Variants in INPP4B observed in about 807,000 individuals in gnomAD.
INPP4B encodes inositol polyphosphate-4-phosphatase type II B.
Under a neutral mutation model 122.5 loss-of-function variants are expected in INPP4B, and 55 were observed. The ratio of observed to expected loss-of-function variants is 0.45; its 90% CI spans 0.36 to 0.56. INPP4B has a LOEUF of 0.56. INPP4B is among the 20% of genes least tolerant of loss of function. The probability of loss-of-function intolerance (pLI) is 0.00; values close to 1 mark genes in which losing one functional copy is unlikely to be tolerated. For synonymous variants in INPP4B, 403 were observed against 388.7 expected, an observed-to-expected ratio of 1.04 and a Z score of -0.43; for missense variants, 1,000 against 1,097.7, an observed-to-expected ratio of 0.91 and a Z score of 1.26.
chr4:142,113,081 A>G (rs1414852994), intron 21 of INPP4B, among the ~76,000 whole-genome samples: 1 of 152,094 alleles, frequency 6.6e-6, no homozygotes, highest in Non-Finnish European at 1.5e-5. Context: ...CAAATAATTT[A>G]TATGATTTTT....
chr4:142,513,444 G>C (rs1217722296), intron 2 of INPP4B, among the ~76,000 whole-genome samples: 1 of 151,414 alleles, frequency 6.6e-6, no homozygotes, highest in Non-Finnish European at 1.5e-5. Context: ...TCTCCCTCTT[G>C]TCCCCCAGGC....
At chr4:142,519,611 C>A (rs940669833) in intron 2 of INPP4B, among the ~76,000 whole-genome samples, 13 of 152,080 alleles carry the variant, frequency 8.5e-5, no homozygotes, top group Admixed American at 6.6e-4. Context: ...CCTTCAGCAG[C>A]AGAAAATTTT....
chr4:142,032,905 A>C lies in INPP4B; in HGVS notation c.2643-3991T>G, dbSNP rs954121850. 1.4e-4 allele frequency among the ~76,000 whole-genome samples: 21 copies of C among 152,026 alleles called. 1 individual carries two copies. The Middle Eastern group carries it at 0.01, about 74-fold the overall frequency. ...AGGTACATCTTGGTAGTGTACCCAG[A>C]AACTTTTTAATTAGTATGTTCCCTC... On this transcript the variant is annotated intron_variant, in intron 25 of 25. Coordinates refer to ENST00000262992, the MANE Select transcript of INPP4B (RefSeq NM_001101669.3).
intron 15 of INPP4B, among the ~76,000 whole-genome samples, chr4:142,176,248 A>T (rs1461800085): frequency 6.6e-6 from 1 of 151,356 alleles, no homozygotes; most frequent in African/African-American, 2.4e-5. Flanking sequence ...TTAAGTCATC[A>T]TTTACATTAG....
intron 25 of INPP4B, among the ~76,000 whole-genome samples, chr4:142,057,010 G>A (rs1298658198): frequency 6.6e-6 from 1 of 152,090 alleles, no homozygotes; most frequent in Non-Finnish European, 1.5e-5. Context: ...ACCACACATG[G>A]TTGAGAGGTC....
chr4:142,424,231 A>C (rs913805656), intron 5 of INPP4B, among the ~76,000 whole-genome samples: 16 of 151,982 alleles, frequency 1.1e-4, no homozygotes, highest in African/African-American at 3.9e-4. Flanking sequence ...CCTAGGAAAT[A>C]GGTTAGCTGT....
chr4:142,553,458 C>G (rs1728445294), intron 2 of INPP4B, among the ~76,000 whole-genome samples: 1 of 152,192 alleles, frequency 6.6e-6, no homozygotes, highest in African/African-American at 2.4e-5. Flanking sequence ...TTTCATATCC[C>G]CTTGGCTTTA....
intron 2 of INPP4B, among the ~76,000 whole-genome samples, chr4:142,658,067 T>A (rs371113719): frequency 1.3e-5 from 2 of 152,204 alleles, no homozygotes; most frequent in African/African-American, 4.8e-5. Flanking sequence ...AAAATCCTGA[T>A]GTCTAACGAT....
intron 11 of INPP4B, among the ~76,000 whole-genome samples, chr4:142,257,460 G>T (rs1320682051): frequency 7.2e-5 from 11 of 151,860 alleles, no homozygotes; most frequent in South Asian, 2.1e-4. Context: ...AAAACCCCAT[G>T]GTCTCAGCCC....
chr4:142,196,705 A>T (rs903599468), intron 14 of INPP4B, among the ~76,000 whole-genome samples: 1 of 152,100 alleles, frequency 6.6e-6, no homozygotes, highest in Non-Finnish European at 1.5e-5. Flanking sequence ...CGGTTACTCT[A>T]TCTGAAACAC....
At chr4:142,844,320 C>G (rs1335359536) in intron 1 of INPP4B, among the ~76,000 whole-genome samples, 1 of 152,162 alleles carries the variant, frequency 6.6e-6, no homozygotes, top group Non-Finnish European at 1.5e-5. Flanking sequence ...AAAGAGAATA[C>G]TCTCCTAGAA....
At chr4:142,595,412 C>A (rs1308582556) in intron 2 of INPP4B, among the ~76,000 whole-genome samples, 1 of 152,114 alleles carries the variant, frequency 6.6e-6, no homozygotes, top group African/African-American at 2.4e-5. Flanking sequence ...TGTGAATACA[C>A]CTGTCCTTGA....
At chr4:142,280,982 G>T (rs185867795) in intron 9 of INPP4B, among the ~76,000 whole-genome samples, 3 of 152,100 alleles carry the variant, frequency 2.0e-5, no homozygotes, top group African/African-American at 7.2e-5. Flanking sequence ...TCATTCAGGA[G>T]GTGCAATATA....
intron 1 of INPP4B, among the ~76,000 whole-genome samples, chr4:142,735,438 C>G (rs906320551): frequency 6.6e-6 from 1 of 152,140 alleles, no homozygotes; most frequent in African/African-American, 2.4e-5. Flanking sequence ...TACTGCCAAA[C>G]AGAAACCAGG....
intron 2 of INPP4B, among the ~76,000 whole-genome samples, chr4:142,508,329 G>A (rs914335965): frequency 6.6e-6 from 1 of 152,160 alleles, no homozygotes; most frequent in Non-Finnish European, 1.5e-5. Flanking sequence ...AGGCTAGAGT[G>A]CAGTGGCGCA....
chr4:142,037,009 A>T (rs573528569), intron 25 of INPP4B, among the ~76,000 whole-genome samples: 1 of 152,346 alleles, frequency 6.6e-6, no homozygotes, highest in East Asian at 1.9e-4. Context: ...GGAGATTATG[A>T]CAAATAATTA....
chr4:142,400,522 TGAAA>T (rs1241318279), intron 7 of INPP4B, among the ~76,000 whole-genome samples: 4 of 151,982 alleles, frequency 2.6e-5, no homozygotes, highest in Admixed American at 2.0e-4. Context: ...ACTTAAGAAA[TGAAA>T]GAAAGGGGCA....
At chr4:142,269,729 C>T (rs554683611) in intron 10 of INPP4B, among the ~76,000 whole-genome samples, 1 of 152,208 alleles carries the variant, frequency 6.6e-6, no homozygotes, top group African/African-American at 2.4e-5. Flanking sequence ...TTACCACACA[C>T]ACAAAATAAG....
intron 2 of INPP4B, among the ~76,000 whole-genome samples, chr4:142,628,609 C>A (rs557269008): frequency 6.6e-6 from 1 of 150,526 alleles, no homozygotes; most frequent in Non-Finnish European, 1.5e-5. Context: ...CACTTGCTAC[C>A]GCACCATTTC....
Sources: gnomAD v4.1 joint callset for allele counts (sites outside exome capture counted in the v4.1 genomes callset) on GRCh38, gnomAD v4.1.1 for gene constraint, MANE v1.5 for transcripts, NCBI Gene and HGNC (gene_info 2026-07-23, HGNC 2026-07-21) for gene names.